The following ZNF853 variants were observed in gnomAD, a reference collection of about 807,000 sequenced individuals.
ZNF853 encodes zinc finger protein 853.
ZNF853 carries 57 observed loss-of-function variants against 94.7 expected under a neutral mutation model. The observed-to-expected ratio is 0.60, with a 90% CI of 0.49 to 0.75. The LOEUF (loss-of-function observed/expected upper bound fraction) is 0.75, where lower values mean the gene tolerates loss of function less well. Ranked by LOEUF, ZNF853 falls within the 30% of genes least tolerant of loss-of-function variation. The pLI, the probability that ZNF853 is intolerant of heterozygous loss-of-function variation, is 0.00. For missense variants in ZNF853, 785 were observed against 868.9 expected (o/e 0.90, Z 1.21); for synonymous variants, 448 against 406.3 (o/e 1.10, Z -1.23).
In ZNF853 at chr7:6,621,367, G is replaced by A. The variant is rs542114892; in HGVS notation, c.376G>A (p.Gly126Arg). ...LELQQQPQQDGQQQLSQLQQE... is the reference protein window; with the variant it reads ...LELQQQPQQDRQQQLSQLQQE... ...ACTGCAACAGCAGCCGCAGCAAGAT[G>A]GGCAACAACAGCTATCTCAACTACA... Residue 126 changes from glycine to arginine, a missense_variant, in exon 3 of 3, where the codon GGG becomes AGG. Transcript: ENST00000457543. 181 of 1,551,706 alleles carry A rather than the reference G, an allele frequency of 1.2e-4. 1 individual carries two copies. The South Asian group carries it at 1.9e-3, about 17-fold the overall frequency.
At chr7:6,621,084 G>T in intron 2 of ZNF853, 38 bp from the exon 3 acceptor site, 1 of 1,460,974 alleles carries the variant, frequency 6.8e-7, no homozygotes, top group Non-Finnish European at 9.0e-7. Context: ...GCTTCCTGTA[G>T]ATCTTTCTCT....
Position 6,622,998 on chromosome 7 carries a change from G to A in ZNF853, c.*27G>A, listed in dbSNP as rs565376671. 30 of 1,242,292 alleles carry A rather than the reference G, an allele frequency of 2.4e-5. 1 individual carries two copies. In the South Asian group the frequency reaches 1.1e-3, roughly 44 times the overall value. The allele number at this position is 1,242,292 out of a possible 1,614,324, so 77.0% of individuals were successfully genotyped here. A position where few individuals can be genotyped will look rare whatever the true frequency, so the allele number is the denominator to read the frequency against. Reference sequence around the variant, plus strand: ...GGCCGTGATCGGGGCTGCCTGGCCGGGAGGGGACCCCCCACCCGCCTCCAC... The same window carrying A: ...GGCCGTGATCGGGGCTGCCTGGCCGAGAGGGGACCCCCCACCCGCCTCCAC... On this transcript the variant is annotated 3_prime_UTR_variant, in exon 3 of 3. Transcript: ENST00000457543.
chr7:6,621,509 A>G lies in ZNF853; in HGVS notation c.518A>G (p.Gln173Arg). 6.4e-7 allele frequency: 1 copy of G among 1,551,814 alleles called. No individual in the cohort carries two copies. The highest frequency in any genetic ancestry group is 2.4e-5 in the East Asian group (1 of 40,930). Residue 173 changes from glutamine (Q) to arginine (R), a missense_variant, in exon 3 of 3, where the codon CAG (glutamine) becomes CGG (arginine). By Grantham distance (43) the Gln-to-Arg change is conservative (BLOSUM62 1). Coordinates refer to ENST00000457543, the MANE Select transcript of ZNF853 (RefSeq NM_017560.3). The part of the protein sequence containing the change: ...QVQEQQRLQQ[Q>R]QEQLQTQQAQ... ...CAAGAGCAACAGCGGTTGCAGCAGC[A>G]GCAGGAGCAGTTACAGACGCAGCAA...
intron 2 of ZNF853, 31 bp from the exon 3 acceptor site, chr7:6,621,091 C>T: frequency 2.7e-6 from 4 of 1,460,940 alleles, no homozygotes; most frequent in Non-Finnish European, 9.0e-7. Flanking sequence ...GTAGATCTTT[C>T]TCTCTTGGCT....
rs1057080206 is a variant in ZNF853 at position 6,622,690 on chromosome 7, C to G, written c.1699C>G (p.Arg567Gly). ...VQHQRTHTGE[R>G]PYACGDCGKR... is the part of the protein sequence containing the mutation. ...GCACCAGCGCACGCACACCGGGGAG[C>G]GACCCTACGCCTGCGGGGACTGTGG... The change falls in exon 3 of 3, where the codon CGA (arginine) becomes GGA (glycine). Residue 567 changes from arginine (R) to glycine (G), a missense_variant. By Grantham distance (125) the Arg-to-Gly change is moderately radical. Coordinates refer to ENST00000457543, the MANE Select transcript of ZNF853 (RefSeq NM_017560.3). 1.3e-6 allele frequency: 2 copies of G among 1,576,334 alleles called. No individual in the cohort carries two copies. Among genetic ancestry groups the G allele is most frequent in the African/African-American group, 2.7e-5 (2 of 73,740 alleles).
In ZNF853 at chr7:6,622,261, G is replaced by T; in HGVS notation, c.1270G>T (p.Ala424Ser). Residue 424 changes from alanine (A) to serine (S), a missense_variant, in exon 3 of 3, where the codon GCG becomes TCG. Coordinates refer to ENST00000457543, the MANE Select transcript of ZNF853 (RefSeq NM_017560.3). ...ELVPAAGGGG[A>S]AVPGAPAAVV... ...GGTGCCAGCCGCAGGGGGCGGCGGAGCGGCGGTCCCGGGGGCTCCGGCCGC... is the reference window on the plus strand; with the variant it reads ...GGTGCCAGCCGCAGGGGGCGGCGGATCGGCGGTCCCGGGGGCTCCGGCCGC... 4.0e-6 allele frequency: 6 copies of T among 1,513,128 alleles called. No individual in the cohort carries two copies. Among genetic ancestry groups the T allele is most frequent in the Non-Finnish European group, 5.3e-6 (6 of 1,135,698 alleles). The allele number at this position is 1,513,128 out of a possible 1,614,324, so 93.7% of individuals were successfully genotyped here. A position where few individuals can be genotyped will look rare whatever the true frequency, so the allele number is the denominator to read the frequency against.
intron 2 of ZNF853, among the ~76,000 whole-genome samples, chr7:6,620,269 A>G: frequency 6.6e-6 from 1 of 152,234 alleles, no homozygotes; most frequent in Admixed American, 6.5e-5. Flanking sequence ...GCAGCTTTAT[A>G]TAAATTCTTT....
chr7:6,620,984 C>T, intron 2 of ZNF853, 138 bp from the exon 3 acceptor site: 8 of 1,120,884 alleles, frequency 7.1e-6, no homozygotes, highest in Middle Eastern at 2.7e-4. Flanking sequence ...TATTGTTACT[C>T]GATCCAGCAC....
chr7:6,617,132 C>T lies in ZNF853; in HGVS notation c.13-58C>T. The T allele has an allele frequency of 4.9e-4, 688 of 1,406,728 alleles. 3 individuals are homozygous for T. In the African/African-American group the frequency reaches 9.0e-3, roughly 18 times the overall value. 87.1% of individuals were successfully genotyped at this position (1,406,728 alleles called of 1,614,324 possible). On this transcript the variant is annotated intron_variant, in intron 1 of 2. Transcript: ENST00000457543. ...GAGGGCCTTTGGGGGCCTGTGGGCACCTGGCGGGGGTCAAAGCACTCCAGC... is the reference window on the plus strand; with the variant it reads ...GAGGGCCTTTGGGGGCCTGTGGGCATCTGGCGGGGGTCAAAGCACTCCAGC...
rs1166138097 is a variant in ZNF853 at position 6,621,884 on chromosome 7, A to C, written c.893A>C (p.Gln298Pro). The stretch of plus-strand genomic sequence containing the variant: ...CAGCAACAGCAGCTGTTGCAACAGC[A>C]GCAGGAACAATTGCAGCAGCAACAA... ...QQQQQQLLQQ[Q>P]QEQLQQQQLQ... Residue 298 changes from glutamine (Q) to proline (P), a missense_variant, in exon 3 of 3, where the codon CAG becomes CCG. Gln to Pro is a moderately conservative substitution (Grantham distance 76). Transcript: ENST00000457543. 2.6e-6 allele frequency: 4 copies of C among 1,550,840 alleles called. No individual in the cohort carries two copies. Among genetic ancestry groups the C allele is most frequent in the Non-Finnish European group, 3.5e-6 (4 of 1,146,680 alleles).
At chr7:6,620,060 G>A in intron 2 of ZNF853, among the ~76,000 whole-genome samples, 3 of 152,146 alleles carry the variant, frequency 2.0e-5, no homozygotes, top group Admixed American at 1.3e-4. Context: ...CTATGCCAGG[G>A]CTCTCCTTGT....
intron 2 of ZNF853, 168 bp downstream of exon 2, chr7:6,617,475 C>T: frequency 6.2e-6 from 4 of 646,034 alleles, no homozygotes; most frequent in Admixed American, 1.3e-4. Context: ...CTGTGTCAGG[C>T]AGGCTGAGGC....
chr7:6,620,985 G>C, intron 2 of ZNF853, 137 bp from the exon 3 acceptor site: 1 of 1,122,632 alleles, frequency 8.9e-7, no homozygotes, highest in African/African-American at 1.6e-5. Context: ...ATTGTTACTC[G>C]ATCCAGCACT....
In ZNF853 at chr7:6,622,804, C is replaced by A; in HGVS notation, c.1813C>A (p.Arg605Ser). The change falls in exon 3 of 3, where the codon CGC (arginine) becomes AGC (serine). Residue 605 changes from arginine (R) to serine (S), a missense_variant. Coordinates refer to ENST00000457543, the MANE Select transcript of ZNF853 (RefSeq NM_017560.3). The stretch of plus-strand genomic sequence containing the variant: ...CTACGTGTGCGAGGACTGTGGCGAG[C>A]GCTTCCGACACAAGGTGCAGATCCG... ...RPYVCEDCGE[R>S]FRHKVQIRRH... 6.5e-7 allele frequency: 1 copy of A among 1,533,474 alleles called. No homozygotes were observed. 95.0% of individuals were successfully genotyped at this position (1,533,474 alleles called of 1,614,324 possible). A position where few individuals can be genotyped will look rare whatever the true frequency, so the allele number is the denominator to read the frequency against.
Position 6,621,488 on chromosome 7 carries a change from A to G in ZNF853, c.497A>G (p.Glu166Gly). Residue 166 changes from glutamate to glycine, a missense_variant, in exon 3 of 3, where the codon GAG becomes GGG. Transcript: ENST00000457543. ...CAGTTACAGCCACAGCAAGTGCAAG[A>G]GCAACAGCGGTTGCAGCAGCAGCAG... ...QQQLQPQQVQ[E>G]QQRLQQQQEQ... The G allele has an allele frequency of 6.4e-7, 1 of 1,551,814 alleles. No individual in the cohort carries two copies. The highest frequency in any genetic ancestry group is 8.7e-7 in the Non-Finnish European group (1 of 1,147,014).
chr7:6,617,763 C>G, intron 2 of ZNF853: 1 of 464,592 alleles, frequency 2.2e-6, no homozygotes, highest in South Asian at 9.2e-5. Flanking sequence ...TTAGCTTGAC[C>G]TCTGCTTGCA....
At chr7:6,620,981 A>T in intron 2 of ZNF853, 141 bp from the exon 3 acceptor site, 5 of 1,078,098 alleles carry the variant, frequency 4.6e-6, no homozygotes, top group Non-Finnish European at 6.3e-6. Flanking sequence ...TGCTATTGTT[A>T]CTCGATCCAG....
rs1261790226 is a variant in ZNF853, at chr7:6,615,918, A to C, written c.-257A>C. 49 of 361,646 alleles carry C rather than the reference A, an allele frequency of 1.4e-4. No homozygotes were observed. Among genetic ancestry groups the C allele is most frequent in the Non-Finnish European group, 1.3e-4 (26 of 200,144 alleles). The allele number at this position is 361,646 out of a possible 1,614,324, so 22.4% of individuals were successfully genotyped here. ...GATTCGGGGCCCTGCCTCCCGCCCCAGCCCCCGCCGGAGAGTCTCCACCAA... is the reference window on the plus strand; with the variant it reads ...GATTCGGGGCCCTGCCTCCCGCCCCCGCCCCCGCCGGAGAGTCTCCACCAA... On this transcript the variant is annotated 5_prime_UTR_variant, in exon 1 of 3. Transcript: ENST00000457543. This position sits in a 1 kb window ranked among gnomAD's most constrained non-coding sequence, Gnocchi z 8.5.
intron 2 of ZNF853, among the ~76,000 whole-genome samples, chr7:6,619,453 G>A: frequency 6.6e-6 from 1 of 151,828 alleles, no homozygotes; most frequent in African/African-American, 2.4e-5. Context: ...TTGTATTTTA[G>A]TAGAGATAGG....
Sources: allele counts gnomAD v4.1 joint callset (sites outside exome capture counted in the v4.1 genomes callset), GRCh38; gene constraint gnomAD v4.1.1; non-coding constraint Gnocchi (gnomAD v3.1); transcripts MANE v1.5; gene names NCBI Gene and HGNC (gene_info 2026-07-23, HGNC 2026-07-21).